Variants in ZNF713 observed in about 807,000 individuals in gnomAD.
ZNF713 encodes zinc finger protein 713.
Under a neutral mutation model 28.7 loss-of-function variants are expected in ZNF713, and 21 were observed. That is an observed-to-expected ratio of 0.73 (90% CI 0.52 to 1.05). The LOEUF (loss-of-function observed/expected upper bound fraction) is 1.05. ZNF713 is among the 50% of genes least tolerant of loss of function. The probability of loss-of-function intolerance (pLI) is 0.00; values close to 1 mark genes in which losing one functional copy is unlikely to be tolerated. For synonymous variants in ZNF713, 167 were observed against 178.0 expected (o/e 0.94, Z 0.49); for missense variants, 458 against 532.4 (o/e 0.86, Z 1.37).
intron 4 of ZNF713, among the ~76,000 whole-genome samples, chr7:55,919,490 G>GTTTTTTTTGTTTTTTTTTTGTTT (rs1785945405): frequency 3.0e-5 from 2 of 66,760 alleles, no homozygotes; most frequent in African/African-American, 5.0e-5. Flanking sequence ...AAACACTCCA[G>GTTTTTTTTGTTTTTTTTTTGTTT]TTTTTTTTTT....
At chr7:55,895,451 CT>C (rs55972416) in intron 1 of ZNF713, among the ~76,000 whole-genome samples, 50 of 82,354 alleles carry the variant, frequency 6.1e-4, no homozygotes, top group Admixed American at 1.2e-3. Flanking sequence ...CTGTTATACT[CT>C]TTTTTTTTTT....
At chr7:55,887,736 GGGGGGCGGAGGCGGGGGGC>G (rs1207931092) in intron 1 of ZNF713, 56 bp downstream of exon 1, 1 of 6,390 alleles carries the variant, frequency 1.6e-4, no homozygotes, top group Non-Finnish European at 2.8e-4. Context: ...GGGCGGAGGC[GGGGGGCGGAGGCGGGGGGC>G]GGAGGCGGGG....
rs867757183 is a variant in ZNF713, at chr7:55,887,896, C to A, written c.-583+216C>A. Among the ~76,000 whole-genome samples, 208 of 82,252 alleles carry A rather than the reference C, an allele frequency of 2.5e-3. 25 individuals carry two copies. Among genetic ancestry groups the A allele is most frequent in the Middle Eastern group, 0.013 (2 of 154 alleles). The allele number at this position is 82,252 out of a possible 152,430, so 54.0% of individuals were successfully genotyped here. On this transcript the variant is annotated intron_variant, in intron 1 of 6. Transcript: ENST00000429591. Reference sequence around the variant, plus strand: ...CGGCGGCGGCGGCGGCGGGCGGCGGCGGCGGCGGGAGGCGGCAGGTGGCGG... The same window carrying A: ...CGGCGGCGGCGGCGGCGGGCGGCGGAGGCGGCGGGAGGCGGCAGGTGGCGG...
At chr7:55,888,743 A>ATGCGTACATACG (rs371273023) in intron 1 of ZNF713, among the ~76,000 whole-genome samples, 41,973 of 108,566 alleles carry the variant, frequency 0.39, 6,181 homozygotes, top group African/African-American at 0.53. Flanking sequence ...ACGTACATAC[A>ATGCGTACATACG]TACATAGATT....
At position 55,912,653 on chromosome 7, in the gene ZNF713, C is replaced by T. The variant is rs1785806443; in HGVS notation, c.17C>T (p.Ala6Val). The change falls in exon 4 of 7, where the codon GCT becomes GTT. Residue 6 changes from alanine to valine, a missense_variant. Coordinates refer to ENST00000429591, the MANE Select transcript of ZNF713 (RefSeq NM_182633.3). ...TTCCTAGTTATGCCTTCTCAGAATG[C>T]TGTTTTTTCTCAGGAGGGGAACATG... MPSQN[A>V]VFSQEGNMEE... The T allele has an allele frequency of 4.3e-6, 7 of 1,612,516 alleles. No individual in the cohort carries two copies. The highest frequency in any genetic ancestry group is 5.1e-6 in the Non-Finnish European group (6 of 1,179,206).
At chr7:55,903,680 A>C (rs1340095982) in intron 1 of ZNF713, among the ~76,000 whole-genome samples, 3 of 144,270 alleles carry the variant, frequency 2.1e-5, no homozygotes, top group East Asian at 2.0e-4. Context: ...AAAAAAAAAC[A>C]AAAAAAAACC....
intron 6 of ZNF713, chr7:55,924,868 C>T (rs1241380014): frequency 6.6e-6 from 1 of 152,086 alleles, no homozygotes; most frequent in African/African-American, 2.4e-5. Context: ...AGCGAAACTC[C>T]ATCTCAAAAA....
rs556267676 is a variant in ZNF713, at chr7:55,928,328, C to T, written c.307+4629C>T. Among the ~76,000 whole-genome samples, 46 of 152,174 alleles carry T rather than the reference C, an allele frequency of 3.0e-4. 1 individual carries two copies. In the South Asian group the frequency reaches 8.7e-3, roughly 29 times the overall value. Reference sequence around the variant, plus strand: ...GGTTGAGGGTGTTAGATTTTAGGGACTGAAGGAGGAAAACTGTGTGAAACT... The same window carrying T: ...GGTTGAGGGTGTTAGATTTTAGGGATTGAAGGAGGAAAACTGTGTGAAACT... On this transcript the variant is annotated intron_variant, in intron 6 of 6. Transcript: ENST00000429591.
At chr7:55,918,252 C>T (rs1785924493) in intron 4 of ZNF713, 4 of 282,868 alleles carry the variant, frequency 1.4e-5, no homozygotes, top group South Asian at 6.4e-5. Flanking sequence ...GGCCCACAGC[C>T]CTAGCCGAGC....
intron 1 of ZNF713, among the ~76,000 whole-genome samples, chr7:55,889,127 GT>G (rs1785332868): frequency 6.8e-6 from 1 of 148,022 alleles, no homozygotes; most frequent in South Asian, 2.1e-4. Context: ...TTGAGATGGA[GT>G]TTCGCTCCTG....
intron 1 of ZNF713, among the ~76,000 whole-genome samples, chr7:55,888,284 A>G (rs1785316579): frequency 6.6e-6 from 1 of 152,124 alleles, no homozygotes; most frequent in African/African-American, 2.4e-5. Context: ...TTTTTCTCTC[A>G]TTGCCTTGCT....
At chr7:55,920,756 CTTTATTTA>C (rs139275645) in intron 4 of ZNF713, among the ~76,000 whole-genome samples, 33,917 of 148,914 alleles carry the variant, frequency 0.23, 4,040 homozygotes, top group East Asian at 0.34. Context: ...CCATCTAGGA[CTTTATTTA>C]TTTATTTATT....
At chr7:55,932,262 C>T (rs1275754704) in intron 6 of ZNF713, among the ~76,000 whole-genome samples, 1 of 151,580 alleles carries the variant, frequency 6.6e-6, no homozygotes, top group East Asian at 1.9e-4. Flanking sequence ...GGCGTGGTGG[C>T]TTACGCCTGT....
chr7:55,923,600 T>C lies in ZNF713; in HGVS notation c.215-7T>C, dbSNP rs2174459. ...ACTCCTAAGATGTATGTTACTCCTG[T>C]GAATAGGGTATCAGCTTTGTAAGCC... On this transcript the variant is annotated splice_region_variant and splice_polypyrimidine_tract_variant and intron_variant, in intron 5 of 6. Transcript: ENST00000429591. 406,019 of 1,587,200 alleles carry C rather than the reference T, an allele frequency of 0.26. 54,595 individuals are homozygous for C. The highest frequency in any genetic ancestry group is 0.38 in the African/African-American group (28,081 of 74,208).
chr7:55,932,923 T>G (rs1159293903), intron 6 of ZNF713, among the ~76,000 whole-genome samples: 1 of 131,034 alleles, frequency 7.6e-6, no homozygotes, highest in Non-Finnish European at 1.6e-5. Context: ...AGCTACAACC[T>G]AAATGTGAAT....
intron 6 of ZNF713, among the ~76,000 whole-genome samples, chr7:55,935,580 G>A (rs1425538788): frequency 6.6e-6 from 1 of 152,072 alleles, no homozygotes; most frequent in African/African-American, 2.4e-5. Flanking sequence ...GTAGGTGTAG[G>A]AACCCTCACC....
At position 55,890,975 on chromosome 7, in the gene ZNF713, G is replaced by A. The variant is rs1454756540; in HGVS notation, c.-583+3295G>A. ...TGTGCCACGGCACTCTAGCCTGGAC[G>A]ACAGAGTGAGACTCTGTCTCAAAAA... On this transcript the variant is annotated intron_variant, in intron 1 of 6. Transcript: ENST00000429591. Among the ~76,000 whole-genome samples, 6 of 143,212 alleles carry A rather than the reference G, an allele frequency of 4.2e-5. No homozygotes were observed. In the Admixed American group the frequency reaches 4.4e-4, roughly 11 times the overall value. 94.0% of individuals were successfully genotyped at this position (143,212 alleles called of 152,430 possible).
intron 6 of ZNF713, among the ~76,000 whole-genome samples, chr7:55,938,506 G>C (rs1030408216): frequency 6.6e-6 from 1 of 152,018 alleles, no homozygotes; most frequent in East Asian, 1.9e-4. Flanking sequence ...CTATCAGCAA[G>C]TATTAGTTTT....
chr7:55,926,555 T>C (rs781578703), intron 6 of ZNF713, among the ~76,000 whole-genome samples: 8 of 152,204 alleles, frequency 5.3e-5, no homozygotes, highest in Non-Finnish European at 1.2e-4. Context: ...AAGAGAATGA[T>C]AGAGCTTATG....
Sources: allele counts gnomAD v4.1 joint callset (sites outside exome capture counted in the v4.1 genomes callset), GRCh38; gene constraint gnomAD v4.1.1; transcripts MANE v1.5; gene names NCBI Gene and HGNC (gene_info 2026-07-23, HGNC 2026-07-21).